Variants in CLSTN3 observed in about 807,000 individuals in gnomAD.
CLSTN3 encodes calsyntenin-3.
A neutral mutation model predicts 95.9 loss-of-function variants in CLSTN3; 36 were observed. The ratio of observed to expected loss-of-function variants is 0.38; its 90% CI spans 0.29 to 0.50. The LOEUF is 0.50. Ranked by LOEUF, CLSTN3 falls within the 20% of genes least tolerant of loss-of-function variation. CLSTN3 has a pLI of 0.95. For synonymous variants in CLSTN3, 481 were observed against 504.0 expected (o/e 0.95, Z 0.61); for missense variants, 1,084 against 1,268.8 (o/e 0.85, Z 2.21).
At position 7,157,900 on chromosome 12, in the gene CLSTN3, C is replaced by G. The variant is rs1368809422; in HGVS notation, c.2731-41C>G. On this transcript the variant is annotated intron_variant, in intron 17 of 17. Transcript: ENST00000266546. The surrounding 1 kb of genome is among the most constrained non-coding windows in gnomAD (Gnocchi z 5.9). ...CCTGAAAGAGAGGCTGGGATGTGTG[C>G]AGGCCATTGATCCCTTCTCCTCTCT... 6.5e-7 allele frequency: 1 copy of G among 1,546,502 alleles called. No homozygotes were observed. Among genetic ancestry groups the G allele is most frequent in the Admixed American group, 2.0e-5 (1 of 50,894 alleles).
chr12:7,146,416 G>GAA (rs201904667), intron 12 of CLSTN3, among the ~76,000 whole-genome samples: 1 of 150,366 alleles, frequency 6.7e-6, no homozygotes, highest in Non-Finnish European at 1.5e-5. Flanking sequence ...ATTAGAGAGA[G>GAA]AGAAAAAAAA....
rs1939836810 is a variant in CLSTN3 at position 7,157,433 on chromosome 12, A to G, written c.2528-56A>G. The G allele has an allele frequency of 6.8e-7, 1 of 1,465,688 alleles. No individual in the cohort carries two copies. Among genetic ancestry groups the G allele is most frequent in the Non-Finnish European group, 9.1e-7 (1 of 1,094,414 alleles). 90.8% of individuals were successfully genotyped at this position (1,465,688 alleles called of 1,614,324 possible). On this transcript the variant is annotated intron_variant, in intron 16 of 17. Coordinates refer to ENST00000266546, the MANE Select transcript of CLSTN3 (RefSeq NM_014718.4). This position sits in a 1 kb window ranked among gnomAD's most constrained non-coding sequence, Gnocchi z 5.9. ...TCTTTTCCTACCCAGCCCCCTGTCC[A>G]AGTGCCCCCAGGTGTGCCTAGTCAC... is the stretch of plus-strand genomic sequence containing the variant.
upstream of CLSTN3, chr12:7,129,200 G>A (rs946136859): frequency 2.8e-5 from 7 of 249,372 alleles, no homozygotes; most frequent in African/African-American, 1.5e-4. The surrounding 1 kb of genome is among the most constrained non-coding windows in gnomAD (Gnocchi z 5.5). Context: ...CCCAGGGCCT[G>A]AGGGGCAGTC....
Position 7,135,966 on chromosome 12 carries a change from C to T in CLSTN3, c.742+13C>T, listed in dbSNP as rs893101854. 25 of 1,585,068 alleles carry T rather than the reference C, an allele frequency of 1.6e-5. No individual in the cohort carries two copies. The highest frequency in any genetic ancestry group is 5.7e-5 in the Admixed American group (3 of 52,892). ...CCCAGCTGGCAAGGTGAGAGCTCAGCGCTGTGCCCCATCTTGTGAATCATC... is the reference window on the plus strand; with the variant it reads ...CCCAGCTGGCAAGGTGAGAGCTCAGTGCTGTGCCCCATCTTGTGAATCATC... On this transcript the variant is annotated intron_variant, in intron 5 of 17. Coordinates refer to ENST00000266546, the MANE Select transcript of CLSTN3 (RefSeq NM_014718.4).
At position 7,149,534 on chromosome 12, in the gene CLSTN3, C is replaced by T. The variant is rs201687169; in HGVS notation, c.2086C>T (p.Arg696Cys). The change falls in exon 14 of 18, where the codon CGC becomes TGC. Residue 696 changes from arginine (R) to cysteine (C), a missense_variant. Coordinates refer to ENST00000266546, the MANE Select transcript of CLSTN3 (RefSeq NM_014718.4). This position sits in a 1 kb window ranked among gnomAD's most constrained non-coding sequence, Gnocchi z 4.5. ...TATCCCCAACCCAGTGACAGACACACGCATGTCGGATGAGATTGTGCACAA... is the reference window on the plus strand; with the variant it reads ...TATCCCCAACCCAGTGACAGACACATGCATGTCGGATGAGATTGTGCACAA... The part of the protein sequence containing the change: ...ESWQGTVTDT[R>C]MSDEIVHNLD... 3.8e-5 allele frequency: 61 copies of T among 1,612,534 alleles called. 1 individual carries two copies. The highest frequency in any genetic ancestry group is 5.3e-5 in the African/African-American group (4 of 75,014).
In CLSTN3 at chr12:7,150,889, G is replaced by T. The variant is rs368340708; in HGVS notation, c.2392-39G>T. ...GTCTAGAGAAGTGGGGAGGACCTGG[G>T]AGAAGCGTGTGTGCCCATGGAGCCC... On this transcript the variant is annotated intron_variant, in intron 15 of 17. Transcript: ENST00000266546. This position sits in a 1 kb window ranked among gnomAD's most constrained non-coding sequence, Gnocchi z 4.0. 1.0e-5 allele frequency: 16 copies of T among 1,554,558 alleles called. No individual in the cohort carries two copies. The highest frequency in any genetic ancestry group is 1.4e-5 in the Non-Finnish European group (16 of 1,144,860).
At chr12:7,134,100 A>G (rs1414553265) in intron 3 of CLSTN3, among the ~76,000 whole-genome samples, 1 of 152,118 alleles carries the variant, frequency 6.6e-6, no homozygotes, top group Admixed American at 6.6e-5. Context: ...ATTCAAGGAG[A>G]TGGTTTGTGT....
chr12:7,157,760 A>G lies in CLSTN3; in HGVS notation c.2730+69A>G, dbSNP rs1455487423. 2 of 1,518,310 alleles carry G rather than the reference A, an allele frequency of 1.3e-6. No individual in the cohort carries two copies. Among genetic ancestry groups the G allele is most frequent in the Admixed American group, 2.0e-5 (1 of 50,088 alleles). The allele number at this position is 1,518,310 out of a possible 1,614,324, so 94.1% of individuals were successfully genotyped here. A position where few individuals can be genotyped will look rare whatever the true frequency, so the allele number is the denominator to read the frequency against. On this transcript the variant is annotated intron_variant, in intron 17 of 17. Transcript: ENST00000266546. The surrounding 1 kb of genome is among the most constrained non-coding windows in gnomAD (Gnocchi z 5.9). ...GGAGCACACACGGTGAGGACTCCTG[A>G]GGAGGGGCAGGCCTGGGTGGAGGCT...
upstream of CLSTN3, chr12:7,129,941 A>G: frequency 2.6e-6 from 1 of 390,096 alleles, no homozygotes; most frequent in Non-Finnish European, 3.5e-6. The surrounding 1 kb of genome is among the most constrained non-coding windows in gnomAD (Gnocchi z 5.5). Flanking sequence ...AAATGCCAGG[A>G]TTTCTCAGGC....
chr12:7,147,396 CAAAAAAAAAAAA>C (rs56109046), intron 12 of CLSTN3, among the ~76,000 whole-genome samples: 3 of 50,522 alleles, frequency 5.9e-5, no homozygotes, highest in Non-Finnish European at 6.4e-5. Flanking sequence ...GAGACTCTGC[CAAAAAAAAAAAA>C]AAAAAAAAAA....
At chr12:7,148,188 GAAAGAAAGA>G in intron 12 of CLSTN3, among the ~76,000 whole-genome samples, 1 of 124,366 alleles carries the variant, frequency 8.0e-6, no homozygotes, top group Non-Finnish European at 1.7e-5. Flanking sequence ...AAGAAAGAAA[GAAAGAAAGA>G]AAGAAAGAAA....
At position 7,149,644 on chromosome 12, in the gene CLSTN3, G is replaced by C; in HGVS notation, c.2196G>C (p.Gln732His). Residue 732 changes from glutamine (Q) to histidine (H), a missense_variant, in exon 14 of 18, where the codon CAG becomes CAC. Transcript: ENST00000266546. The surrounding 1 kb of genome is among the most constrained non-coding windows in gnomAD (Gnocchi z 4.5). ...ESLLLDTTSL[Q>H]QRGLELTNTS... ...TGCTCCTGGACACAACCTCTCTGCA[G>C]CAGCGGGGGCTGGAGCTCACCAACA... 6.2e-7 allele frequency: 1 copy of C among 1,614,210 alleles called. No individual in the cohort carries two copies. Among genetic ancestry groups the C allele is most frequent in the Non-Finnish European group, 8.5e-7 (1 of 1,180,042 alleles).
chr12:7,153,341 C>T (rs1372146820), intron 16 of CLSTN3, among the ~76,000 whole-genome samples: 1 of 152,158 alleles, frequency 6.6e-6, no homozygotes, highest in East Asian at 1.9e-4. Context: ...GACAAGGTCT[C>T]ACTTTGTTGC....
intron 8 of CLSTN3, chr12:7,138,572 T>A (rs1483487556): frequency 6.5e-6 from 1 of 152,798 alleles, no homozygotes; most frequent in African/African-American, 2.4e-5. Context: ...TCGTTAGGAT[T>A]AAATGATGTA....
At chr12:7,132,884 C>T (rs757427311) in intron 1 of CLSTN3, 140 bp from the exon 2 acceptor site, 82 of 1,135,480 alleles carry the variant, frequency 7.2e-5, no homozygotes, top group South Asian at 1.1e-4. Context: ...CTCAACCACC[C>T]GCCTCCTGTA....
At chr12:7,134,158 A>C (rs899264882) in intron 3 of CLSTN3, among the ~76,000 whole-genome samples, 1 of 152,186 alleles carries the variant, frequency 6.6e-6, no homozygotes, top group Non-Finnish European at 1.5e-5. Context: ...GGCACAGTAC[A>C]TGGGCATAAT....
In CLSTN3 at chr12:7,143,035, C is replaced by A. The variant is rs1219102621; in HGVS notation, c.1698+9C>A. 1 of 1,611,256 alleles carries A rather than the reference C, an allele frequency of 6.2e-7. No homozygotes were observed. The highest frequency in any genetic ancestry group is 2.2e-5 in the East Asian group (1 of 44,876). ...TGGGCAAAGGCATGAAGGTATTGCC[C>A]CATCCTCTAGCCCTGTTCTTCCCAG... On this transcript the variant is annotated intron_variant, in intron 11 of 17. Transcript: ENST00000266546.
intron 6 of CLSTN3, 143 bp downstream of exon 6, chr12:7,136,534 G>C: frequency 1.1e-6 from 1 of 893,142 alleles, no homozygotes; most frequent in Non-Finnish European, 1.7e-6. Flanking sequence ...AGCATTTGCG[G>C]CCCAAAAGGC....
Position 7,158,111 on chromosome 12 carries a change from A to C in CLSTN3, c.*30A>C, listed in dbSNP as rs901665206. On this transcript the variant is annotated 3_prime_UTR_variant, in exon 18 of 18. Transcript: ENST00000266546. ...TACACCTCTCCCCACGCAGAGGGGG[A>C]ATTCTGCCCTGGTGAAACAGACACT... 1 of 1,474,336 alleles carries C rather than the reference A, an allele frequency of 6.8e-7. No homozygotes were observed. The highest frequency in any genetic ancestry group is 1.4e-5 in the African/African-American group (1 of 70,810). The allele number at this position is 1,474,336 out of a possible 1,614,324, so 91.3% of individuals were successfully genotyped here.
Sources: gnomAD v4.1 joint callset for allele counts (sites outside exome capture counted in the v4.1 genomes callset) on GRCh38, gnomAD v4.1.1 for gene constraint, Gnocchi (gnomAD v3.1) non-coding constraint, MANE v1.5 for transcripts, NCBI Gene and HGNC (gene_info 2026-07-23, HGNC 2026-07-21) for gene names.